The following PPP2R2B variants were observed in gnomAD, a reference collection of about 807,000 sequenced individuals.
The protein encoded by PPP2R2B is protein phosphatase 2 regulatory subunit Bbeta.
PPP2R2B carries 5 observed loss-of-function variants against 46.0 expected under a neutral mutation model. The ratio of observed to expected loss-of-function variants is 0.11; its 90% CI spans 0.06 to 0.23. The LOEUF (loss-of-function observed/expected upper bound fraction) is 0.23. Among genes scored for constraint, PPP2R2B ranks in the 10% least tolerant of loss-of-function variants. The pLI is 1.00. For synonymous variants in PPP2R2B, 215 were observed against 206.7 expected, an observed-to-expected ratio of 1.04 and a Z score of -0.34; for missense variants, 367 against 575.0, an observed-to-expected ratio of 0.64 and a Z score of 3.70.
chr5:146,757,959 G>A (rs1753936671), intron 2 of PPP2R2B, among the ~76,000 whole-genome samples: 1 of 152,140 alleles, frequency 6.6e-6, no homozygotes, highest in Non-Finnish European at 1.5e-5. Context: ...AAGCTGAGTA[G>A]ACATAAGGAG....
At chr5:146,600,597 A>G (rs1771687260) in intron 7 of PPP2R2B, 137 bp from the exon 8 acceptor site, 1 of 806,066 alleles carries the variant, frequency 1.2e-6, no homozygotes, top group African/African-American at 1.7e-5. Flanking sequence ...TAAGTTGCTA[A>G]TAGAGAACTG....
intron 2 of PPP2R2B, among the ~76,000 whole-genome samples, chr5:146,787,495 T>TTCCTCTCTTTTCTCTTCTCTCCTC (rs1755914740): frequency 1.3e-5 from 2 of 152,084 alleles, no homozygotes; most frequent in African/African-American, 4.8e-5. Context: ...CTTCCTTCCT[T>TTCCTCTCTTTTCTCTTCTCTCCTC]TCCTCTCTTT....
At chr5:147,077,275 TAC>T (rs370176510) in intron 2 of PPP2R2B, among the ~76,000 whole-genome samples, 20,887 of 140,220 alleles carry the variant, frequency 0.15, 2,005 homozygotes, top group African/African-American at 0.29. Flanking sequence ...TATGTGTGTA[TAC>T]ACACACACAC....
At chr5:147,036,643 G>A (rs1756051502) in intron 1 of PPP2R2B, among the ~76,000 whole-genome samples, 1 of 152,152 alleles carries the variant, frequency 6.6e-6, no homozygotes, top group South Asian at 2.1e-4. Context: ...TAGGGTAAAA[G>A]CATTCCTTGT....
At chr5:146,838,367 T>C (rs1582233072) in intron 2 of PPP2R2B, among the ~76,000 whole-genome samples, 1 of 150,548 alleles carries the variant, frequency 6.6e-6, no homozygotes, top group Middle Eastern at 3.4e-3. Context: ...AGGTCAGGAG[T>C]TCAAGACCAG....
rs182996203 is a variant in PPP2R2B, at chr5:146,702,166, A to G, written c.71-1024T>C. Among the ~76,000 whole-genome samples the G allele has an allele frequency of 5.3e-4, 80 of 152,262 alleles. 1 individual carries two copies. The highest frequency in any genetic ancestry group is 1.9e-3 in the African/African-American group (78 of 41,552). On this transcript the variant is annotated intron_variant, in intron 2 of 9. Transcript: ENST00000394411. ...AAGCAAAGGGGAAACAGTGAGGTGG[A>G]AAACTAAGGCAATTACCCCTGAGTA...
At chr5:146,649,652 G>T (rs191063345) in intron 6 of PPP2R2B, among the ~76,000 whole-genome samples, 2 of 152,036 alleles carry the variant, frequency 1.3e-5, no homozygotes, top group Non-Finnish European at 2.9e-5. Flanking sequence ...GCCTTGCCAC[G>T]TTGGCTAAGC....
intron 5 of PPP2R2B, among the ~76,000 whole-genome samples, chr5:146,658,186 G>C (rs1477397979): frequency 2.6e-5 from 4 of 152,134 alleles, no homozygotes; most frequent in Non-Finnish European, 5.9e-5. Context: ...CTCATCCTAG[G>C]TATACGGAAA....
intron 1 of PPP2R2B, among the ~76,000 whole-genome samples, chr5:146,941,148 A>G (rs2151829179): frequency 6.6e-6 from 1 of 152,276 alleles, no homozygotes; most frequent in South Asian, 2.1e-4. Context: ...ATGCAATAAG[A>G]TTTTATAGCA....
chr5:146,896,154 C>T (rs2151431637), intron 1 of PPP2R2B, among the ~76,000 whole-genome samples: 1 of 151,990 alleles, frequency 6.6e-6, no homozygotes, highest in South Asian at 2.1e-4. Flanking sequence ...GCTTTTTTAC[C>T]CCCATAATTT....
chr5:146,703,521 C>T (rs549652932), intron 2 of PPP2R2B, among the ~76,000 whole-genome samples: 1 of 152,280 alleles, frequency 6.6e-6, no homozygotes, highest in East Asian at 1.9e-4. Flanking sequence ...AAAGATGGGC[C>T]TTTCCTTTTG....
chr5:146,655,818 G>A (rs1776289314), intron 5 of PPP2R2B, among the ~76,000 whole-genome samples: 1 of 152,036 alleles, frequency 6.6e-6, no homozygotes, highest in Non-Finnish European at 1.5e-5. Context: ...GTCCTGCCTG[G>A]GGATCCCAAG....
intron 8 of PPP2R2B, among the ~76,000 whole-genome samples, chr5:146,594,864 A>G (rs1771013588): frequency 6.6e-6 from 1 of 152,172 alleles, no homozygotes; most frequent in South Asian, 2.1e-4. Flanking sequence ...TACCAAGGGC[A>G]TTGGTGTTTA....
intron 2 of PPP2R2B, among the ~76,000 whole-genome samples, chr5:146,808,986 T>TGTGTGTGTGTGC (rs1336098043): frequency 2.0e-5 from 3 of 150,774 alleles, no homozygotes; most frequent in African/African-American, 7.4e-5. Context: ...TGTGTGTGTG[T>TGTGTGTGTGTGC]GTGTGTGTGC....
chr5:147,012,400 T>TGGG (rs1353604720), intron 1 of PPP2R2B, among the ~76,000 whole-genome samples: 9 of 151,984 alleles, frequency 5.9e-5, no homozygotes, highest in African/African-American at 2.2e-4. Flanking sequence ...TGGTAGTTTG[T>TGGG]ATTTCTGTGG....
At chr5:147,035,447 A>G (rs1464806982) in intron 1 of PPP2R2B, among the ~76,000 whole-genome samples, 1 of 152,168 alleles carries the variant, frequency 6.6e-6, no homozygotes, top group African/African-American at 2.4e-5. Context: ...CAGCCAAACC[A>G]TATCAGAGGG....
chr5:146,730,200 C>T (rs189349401), intron 2 of PPP2R2B, among the ~76,000 whole-genome samples: 3 of 152,322 alleles, frequency 2.0e-5, no homozygotes, highest in South Asian at 2.1e-4. Context: ...GGATTTCAGA[C>T]ACTTGCATAG....
At chr5:146,882,149 C>T (rs774772924), upstream of PPP2R2B, among the ~76,000 whole-genome samples, 7 of 151,762 alleles carry the variant, frequency 4.6e-5, no homozygotes, top group East Asian at 1.9e-4. Context: ...TGGTGGCACG[C>T]GCCTGTAGTC....
intron 2 of PPP2R2B, among the ~76,000 whole-genome samples, chr5:146,819,459 C>A (rs1758127574): frequency 6.6e-6 from 1 of 152,180 alleles, no homozygotes; most frequent in South Asian, 2.1e-4. Context: ...TGGAATACAA[C>A]ATGGCACCTC....
Sources: allele counts gnomAD v4.1 joint callset (sites outside exome capture counted in the v4.1 genomes callset), GRCh38; gene constraint gnomAD v4.1.1; transcripts MANE v1.5; gene names NCBI Gene and HGNC (gene_info 2026-07-23, HGNC 2026-07-21).